The following KIFAP3 variants were observed in gnomAD, a reference collection of about 807,000 sequenced individuals.
The protein encoded by KIFAP3 is kinesin associated protein 3, also known as kinesin-associated protein 3.
KIFAP3 carries 68 observed loss-of-function variants against 106.5 expected under a neutral mutation model. That is an observed-to-expected ratio of 0.64 (90% CI 0.53 to 0.78). The LOEUF is 0.78. KIFAP3 is among the 30% of genes least tolerant of loss of function. The pLI is 0.00. For missense variants in KIFAP3, 780 were observed against 941.8 expected (o/e 0.83, Z 2.25); for synonymous variants, 320 against 311.5 (o/e 1.03, Z -0.29).
At chr1:170,032,173 T>C (rs1272030547) in intron 7 of KIFAP3, 189 bp from the exon 8 acceptor site, 10 of 484,618 alleles carry the variant, frequency 2.1e-5, no homozygotes, top group Non-Finnish European at 3.4e-5. Context: ...TAAGTGCTCA[T>C]GGATTCCCTG....
chr1:169,993,678 GCCACT>G (rs1667223263), intron 10 of KIFAP3, among the ~76,000 whole-genome samples: 2 of 80,652 alleles, frequency 2.5e-5, no homozygotes, highest in Non-Finnish European at 2.7e-5. Context: ...CCCAGATTGT[GCCACT>G]GAACGCCAGC....
At chr1:170,032,520 TA>T (rs2102045709) in intron 7 of KIFAP3, among the ~76,000 whole-genome samples, 1 of 151,834 alleles carries the variant, frequency 6.6e-6, no homozygotes, top group African/African-American at 2.4e-5. Context: ...AAACAAATTT[TA>T]AAAATCACAT....
intron 9 of KIFAP3, among the ~76,000 whole-genome samples, chr1:170,020,587 A>G (rs905508747): frequency 1.3e-5 from 2 of 152,140 alleles, no homozygotes; most frequent in Non-Finnish European, 2.9e-5. Context: ...AGCTGGGACT[A>G]CAGGTGCCCA....
At chr1:169,988,221 A>C (rs1666933746) in intron 11 of KIFAP3, among the ~76,000 whole-genome samples, 1 of 152,072 alleles carries the variant, frequency 6.6e-6, no homozygotes, top group Non-Finnish European at 1.5e-5. Context: ...TTATTCTATA[A>C]AACACATATG....
At chr1:170,072,557 G>T (rs1671754559) in intron 1 of KIFAP3, among the ~76,000 whole-genome samples, 1 of 152,066 alleles carries the variant, frequency 6.6e-6, no homozygotes, top group Non-Finnish European at 1.5e-5. Flanking sequence ...GGGCATGTAA[G>T]AATCAAACAC....
chr1:170,046,210 C>CAA (rs60580320), intron 3 of KIFAP3, among the ~76,000 whole-genome samples: 1,324 of 56,936 alleles, frequency 0.023, 62 homozygotes, highest in African/African-American at 0.084. Context: ...TTCTCTGCTG[C>CAA]AAAAAAAAAA....
Position 169,961,217 on chromosome 1 carries a change from C to T in KIFAP3, c.2002G>A (p.Ala668Thr). Residue 668 changes from alanine to threonine, a missense_variant, in exon 18 of 20, where the codon GCT becomes ACT. By Grantham distance (58) the Ala-to-Thr change is moderately conservative. This residue lies in a region of KIFAP3 where 78 missense variants were observed against 140.6 expected (regional missense o/e 0.55). Transcript: ENST00000361580. ...DIIAEYDEEW[A>T]KKIQSEKFRW... ...AACTTTTCACTCTGAATTTTCTTAG[C>T]CCATTCTTCATCATATTCCTATTGA... 6.2e-7 allele frequency: 1 copy of T among 1,611,986 alleles called. No individual in the cohort carries two copies. Among genetic ancestry groups the T allele is most frequent in the Non-Finnish European group, 8.5e-7 (1 of 1,179,320 alleles).
chr1:170,026,828 C>A (rs567830476), intron 8 of KIFAP3, among the ~76,000 whole-genome samples: 5 of 152,232 alleles, frequency 3.3e-5, no homozygotes, highest in African/African-American at 1.2e-4. Context: ...GTCTTACCTC[C>A]GTAGTGGGAA....
intron 17 of KIFAP3, among the ~76,000 whole-genome samples, chr1:169,965,056 CA>C (rs750191315): frequency 3.9e-5 from 6 of 152,034 alleles, no homozygotes; most frequent in African/African-American, 7.2e-5. Context: ...ATAATGTGGA[CA>C]AATTGTCCAT....
At chr1:170,029,882 G>C (rs1487486844) in intron 8 of KIFAP3, among the ~76,000 whole-genome samples, 1 of 151,960 alleles carries the variant, frequency 6.6e-6, no homozygotes, top group Non-Finnish European at 1.5e-5. Flanking sequence ...ATAAAAGATA[G>C]TGTTTTCAAA....
At chr1:170,048,816 A>C (rs1670413827) in intron 2 of KIFAP3, among the ~76,000 whole-genome samples, 1 of 152,054 alleles carries the variant, frequency 6.6e-6, no homozygotes, top group South Asian at 2.1e-4. Context: ...TGCTTTTCCC[A>C]CAGTTTTTGC....
chr1:170,030,925 T>G (rs371916469), intron 8 of KIFAP3, among the ~76,000 whole-genome samples: 16 of 151,838 alleles, frequency 1.1e-4, no homozygotes, highest in African/African-American at 3.9e-4. Context: ...TCAAATTATA[T>G]ACTTTAAAAC....
At chr1:170,082,625 A>G (rs1672038488) in intron 1 of KIFAP3, among the ~76,000 whole-genome samples, 1 of 152,226 alleles carries the variant, frequency 6.6e-6, no homozygotes, top group Admixed American at 6.5e-5. Flanking sequence ...GTTTTAAAAG[A>G]TATAATGAGC....
At chr1:170,036,022 C>A (rs1669675204) in intron 5 of KIFAP3, among the ~76,000 whole-genome samples, 1 of 151,618 alleles carries the variant, frequency 6.6e-6, no homozygotes, top group Non-Finnish European at 1.5e-5. Context: ...AATTAAAAAC[C>A]AAATAAAATC....
intron 10 of KIFAP3, among the ~76,000 whole-genome samples, chr1:170,003,849 G>C (rs572755611): frequency 6.6e-6 from 1 of 152,336 alleles, no homozygotes; most frequent in South Asian, 2.1e-4. Flanking sequence ...AGTGTTGGAA[G>C]TTCTGGCCAG....
intron 16 of KIFAP3, among the ~76,000 whole-genome samples, chr1:169,977,089 T>C (rs1420714533): frequency 6.6e-6 from 1 of 152,196 alleles, no homozygotes; most frequent in Non-Finnish European, 1.5e-5. Flanking sequence ...CCAACTAAAC[T>C]ATAAACTCCC....
chr1:170,046,229 A>AAAAAAAAAAAAG (rs1670244868), intron 3 of KIFAP3, among the ~76,000 whole-genome samples: 1 of 144,370 alleles, frequency 6.9e-6, no homozygotes, highest in Non-Finnish European at 1.5e-5. Flanking sequence ...AAAAAAAAAA[A>AAAAAAAAAAAAG]GGAAACAGAG....
chr1:169,971,567 A>G (rs1263361868), intron 17 of KIFAP3, among the ~76,000 whole-genome samples: 2 of 152,078 alleles, frequency 1.3e-5, no homozygotes, highest in Non-Finnish European at 1.5e-5. Flanking sequence ...ATATCAAATT[A>G]AGATGAATTT....
intron 10 of KIFAP3, among the ~76,000 whole-genome samples, chr1:170,007,336 A>G (rs1306627877): frequency 6.6e-6 from 1 of 151,968 alleles, no homozygotes; most frequent in Non-Finnish European, 1.5e-5. Flanking sequence ...AGATAGGGAA[A>G]GAGAAACAGA....
Sources: gnomAD v4.1 joint callset for allele counts (sites outside exome capture counted in the v4.1 genomes callset) on GRCh38, gnomAD v4.1.1 for gene constraint, gnomAD v4.1.1 regional missense constraint, MANE v1.5 for transcripts, NCBI Gene and HGNC (gene_info 2026-07-23, HGNC 2026-07-21) for gene names.